The following NR2C1 variants were observed in gnomAD, a reference collection of about 807,000 sequenced individuals.
The protein encoded by NR2C1 is TR2 nuclear hormone receptor.
Under a neutral mutation model 74.8 loss-of-function variants are expected in NR2C1, and 33 were observed. The observed-to-expected ratio is 0.44, with a 90% CI of 0.33 to 0.59. The LOEUF (loss-of-function observed/expected upper bound fraction) is 0.59. Ranked by LOEUF, NR2C1 falls within the 20% of genes least tolerant of loss-of-function variation. NR2C1 has a pLI of 0.02. For missense variants in NR2C1, 568 were observed against 715.6 expected (o/e 0.79, Z 2.35); for synonymous variants, 225 against 240.6 (o/e 0.94, Z 0.60).
At chr12:95,066,994 C>A in intron 2 of NR2C1, 1 of 302,252 alleles carries the variant, frequency 3.3e-6, no homozygotes, top group South Asian at 5.2e-5. Context: ...CTACTGATCC[C>A]ACCAAAACTA....
intron 1 of NR2C1, among the ~76,000 whole-genome samples, chr12:95,068,597 C>A (rs372254291): frequency 3.9e-5 from 6 of 152,166 alleles, no homozygotes; most frequent in African/African-American, 1.4e-4. Flanking sequence ...GAGTTTGAGA[C>A]TAGCCTGGCC....
intron 10 of NR2C1, among the ~76,000 whole-genome samples, chr12:95,034,600 TAC>T (rs1299458726): frequency 6.6e-6 from 1 of 152,216 alleles, no homozygotes; most frequent in Non-Finnish European, 1.5e-5. Context: ...GTTATAGAAG[TAC>T]AGTCATGCAT....
At position 95,059,784 on chromosome 12, in the gene NR2C1, CTTT is replaced by C. The variant is rs200263715; in HGVS notation, c.364+119_364+121del. 8.1e-3 allele frequency: 5,566 copies of C among 683,822 alleles called. 317 individuals are homozygous for C. The East Asian group carries it at 0.13, about 16-fold the overall frequency. The allele number at this position is 683,822 out of a possible 1,614,324, so 42.4% of individuals were successfully genotyped here. The stretch of plus-strand genomic sequence containing the variant: ...TATGAACCATAAAAACGACATACTC[CTTT>C]ATTTCTCTTCTTACTTTTAGTAGAA... On this transcript the variant is annotated intron_variant, in intron 4 of 13. Coordinates refer to ENST00000333003, the MANE Select transcript of NR2C1 (RefSeq NM_003297.4).
chr12:95,023,663 T>G (rs999512894), intron 13 of NR2C1, among the ~76,000 whole-genome samples: 1 of 152,212 alleles, frequency 6.6e-6, no homozygotes, highest in South Asian at 2.1e-4. Flanking sequence ...CCTGCCAATT[T>G]CTGTGCCAGG....
intron 9 of NR2C1, among the ~76,000 whole-genome samples, chr12:95,047,804 T>C (rs1298161981): frequency 1.3e-5 from 2 of 152,234 alleles, no homozygotes; most frequent in South Asian, 2.1e-4. Context: ...ACAGTGAGCA[T>C]GGCTATAACT....
At chr12:95,064,062 G>A (rs2136194334) in intron 2 of NR2C1, among the ~76,000 whole-genome samples, 1 of 149,240 alleles carries the variant, frequency 6.7e-6, no homozygotes, top group Non-Finnish European at 1.5e-5. Flanking sequence ...GGACACAGTG[G>A]CTCATGCCTA....
At position 95,031,445 on chromosome 12, in the gene NR2C1, G is replaced by C. The variant is rs1361820219; in HGVS notation, c.1297C>G (p.Leu433Val). 6.2e-7 allele frequency: 1 copy of C among 1,606,460 alleles called. No homozygotes were observed. The highest frequency in any genetic ancestry group is 8.5e-7 in the Non-Finnish European group (1 of 1,177,096). Reference sequence around the variant, plus strand: ...CACTGGGCAAGACCAAGAGTAAAAAGTTCATTCCAGTAAGCTTTCACCAGT... The same window carrying C: ...CACTGGGCAAGACCAAGAGTAAAAACTTCATTCCAGTAAGCTTTCACCAGT... The part of the protein sequence containing the change: ...ISLVKAYWNE[L>V]FTLGLAQCWQ... Residue 433 changes from leucine to valine, a missense_variant, in exon 11 of 14, where the codon CTT (leucine) becomes GTT (valine). Coordinates refer to ENST00000333003, the MANE Select transcript of NR2C1 (RefSeq NM_003297.4).
At chr12:95,064,712 C>G (rs960494275) in intron 2 of NR2C1, among the ~76,000 whole-genome samples, 2 of 152,114 alleles carry the variant, frequency 1.3e-5, no homozygotes, top group Admixed American at 6.5e-5. Flanking sequence ...TGTTATTCAG[C>G]AAATATATCC....
intron 7 of NR2C1, among the ~76,000 whole-genome samples, chr12:95,054,492 C>T (rs1278055800): frequency 6.6e-6 from 1 of 151,928 alleles, no homozygotes; most frequent in Admixed American, 6.6e-5. Flanking sequence ...TTTTTAGAGA[C>T]AGAGTCTCGC....
intron 7 of NR2C1, among the ~76,000 whole-genome samples, chr12:95,056,958 C>CAAA (rs746993156): frequency 1.4e-5 from 1 of 73,310 alleles, no homozygotes; most frequent in Non-Finnish European, 2.9e-5. Context: ...GACTCCATCT[C>CAAA]AAAAAAAAAA....
chr12:95,068,342 A>C (rs1418363578), intron 1 of NR2C1, among the ~76,000 whole-genome samples: 1 of 152,150 alleles, frequency 6.6e-6, no homozygotes, highest in Non-Finnish European at 1.5e-5. Flanking sequence ...CTCAATTCTG[A>C]GGTACTGGTG....
chr12:95,028,572 C>A, intron 11 of NR2C1, 48 bp from the exon 12 acceptor site: 2 of 1,249,422 alleles, frequency 1.6e-6, no homozygotes, highest in Non-Finnish European at 2.3e-6. Flanking sequence ...CTAAAATGAA[C>A]AACTACTTTC....
In NR2C1 at chr12:95,031,344, T is replaced by C; in HGVS notation, c.1393+5A>G. On this transcript the variant is annotated splice_donor_5th_base_variant and intron_variant, in intron 11 of 13. Coordinates refer to ENST00000333003, the MANE Select transcript of NR2C1 (RefSeq NM_003297.4). ...CCTGGAAAAGGTAAGGAAGGTGCTTTTTACCTTGTTGAAGACTATTGTGAA... is the reference window on the plus strand; with the variant it reads ...CCTGGAAAAGGTAAGGAAGGTGCTTCTTACCTTGTTGAAGACTATTGTGAA... The C allele has an allele frequency of 6.3e-7, 1 of 1,576,262 alleles. No homozygotes were observed. The highest frequency in any genetic ancestry group is 1.4e-5 in the African/African-American group (1 of 72,898).
At chr12:95,062,373 T>A (rs150603780) in intron 3 of NR2C1, 135 bp downstream of exon 3, 1 of 628,112 alleles carries the variant, frequency 1.6e-6, no homozygotes, top group Non-Finnish European at 2.8e-6. Context: ...TCACTGTAGA[T>A]ACTGTGTTAC....
intron 7 of NR2C1, among the ~76,000 whole-genome samples, chr12:95,054,901 AG>A (rs1169110307): frequency 3.9e-5 from 6 of 152,168 alleles, no homozygotes; most frequent in African/African-American, 1.4e-4. Flanking sequence ...AGGACCCTGC[AG>A]CGTTCCACAG....
intron 10 of NR2C1, among the ~76,000 whole-genome samples, chr12:95,035,821 C>T (rs894360659): frequency 3.9e-5 from 6 of 152,138 alleles, no homozygotes; most frequent in East Asian, 3.9e-4. Context: ...AAGAGAATGA[C>T]GAAGAATGAC....
chr12:95,067,165 T>A (rs748473601), intron 2 of NR2C1, 166 bp downstream of exon 2: 301 of 664,256 alleles, frequency 4.5e-4, no homozygotes, highest in Non-Finnish European at 1.6e-4. Flanking sequence ...ACTTACCACA[T>A]TCTACTATGA....
intron 7 of NR2C1, among the ~76,000 whole-genome samples, chr12:95,054,235 C>T (rs1030608727): frequency 6.6e-6 from 1 of 151,796 alleles, no homozygotes; most frequent in Non-Finnish European, 1.5e-5. Context: ...CATCATTCCT[C>T]TATTGCTAAC....
At chr12:95,048,111 A>C (rs1029720213) in intron 9 of NR2C1, among the ~76,000 whole-genome samples, 10 of 152,238 alleles carry the variant, frequency 6.6e-5, no homozygotes, top group Admixed American at 2.0e-4. Flanking sequence ...TTTATAATAG[A>C]GATGAGGTCT....
Sources: allele counts gnomAD v4.1 joint callset (sites outside exome capture counted in the v4.1 genomes callset), GRCh38; gene constraint gnomAD v4.1.1; transcripts MANE v1.5; gene names NCBI Gene and HGNC (gene_info 2026-07-23, HGNC 2026-07-21).